MBOAT1: variants seen among roughly 807,000 people sequenced by gnomAD.
MBOAT1 encodes the protein membrane-bound glycerophospholipid O-acyltransferase 1.
Under a neutral mutation model 64.4 loss-of-function variants are expected in MBOAT1, and 67 were observed. The ratio of observed to expected loss-of-function variants is 1.04; its 90% CI spans 0.85 to 1.27. The LOEUF (loss-of-function observed/expected upper bound fraction) is 1.27. MBOAT1 is among the 50% of genes most tolerant of loss of function. The pLI, the probability that MBOAT1 is intolerant of heterozygous loss-of-function variation, is 0.00. For missense variants in MBOAT1, 563 were observed against 604.6 expected (o/e 0.93, Z 0.72); for synonymous variants, 229 against 218.9 (o/e 1.05, Z -0.41).
At chr6:20,128,569 TAGC>T (rs1760726017) in intron 6 of MBOAT1, 127 bp downstream of exon 6, 1 of 636,514 alleles carries the variant, frequency 1.6e-6, no homozygotes, top group South Asian at 2.4e-5. Flanking sequence ...TGTCCATCAA[TAGC>T]AGATTCATAA....
At chr6:20,200,505 A>G (rs983604037) in intron 1 of MBOAT1, among the ~76,000 whole-genome samples, 4 of 152,196 alleles carry the variant, frequency 2.6e-5, no homozygotes, top group African/African-American at 9.6e-5. Flanking sequence ...CCAGGCCAGT[A>G]GGAGGCAGAG....
intron 12 of MBOAT1, among the ~76,000 whole-genome samples, chr6:20,105,260 T>C (rs1759916778): frequency 1.3e-5 from 2 of 152,240 alleles, no homozygotes; most frequent in South Asian, 4.1e-4. Context: ...ACTTTGAACA[T>C]CAAGTGGAAA....
chr6:20,178,966 C>A (rs1181117504), intron 1 of MBOAT1, among the ~76,000 whole-genome samples: 1 of 151,352 alleles, frequency 6.6e-6, no homozygotes, highest in African/African-American at 2.4e-5. Context: ...TTCAGGGATA[C>A]CTGTGCAGGA....
chr6:20,174,635 C>A (rs1436375863), intron 1 of MBOAT1, among the ~76,000 whole-genome samples: 1 of 152,132 alleles, frequency 6.6e-6, no homozygotes, highest in Non-Finnish European at 1.5e-5. Context: ...TTGTTTACAC[C>A]AGCATCACTA....
intron 4 of MBOAT1, among the ~76,000 whole-genome samples, chr6:20,133,283 C>T (rs1760885112): frequency 6.6e-6 from 1 of 152,180 alleles, no homozygotes; most frequent in Non-Finnish European, 1.5e-5. Context: ...TCACAGATGA[C>T]ACCCATTTAC....
intron 1 of MBOAT1, among the ~76,000 whole-genome samples, chr6:20,171,381 T>C (rs1762186249): frequency 9.3e-6 from 1 of 107,384 alleles, no homozygotes; most frequent in Admixed American, 9.1e-5. Flanking sequence ...TACAAAAAAC[T>C]TAAAAAAAAA....
At chr6:20,107,302 G>A (rs1759987041) in intron 12 of MBOAT1, among the ~76,000 whole-genome samples, 3 of 152,174 alleles carry the variant, frequency 2.0e-5, no homozygotes, top group East Asian at 1.9e-4. Context: ...TTCAGTGCTC[G>A]GAGCTTCGTG....
chr6:20,210,126 T>C (rs1270169047), intron 1 of MBOAT1, among the ~76,000 whole-genome samples: 1 of 152,190 alleles, frequency 6.6e-6, no homozygotes, highest in Non-Finnish European at 1.5e-5. Context: ...ACCTTCCTAA[T>C]GTCGGGCATT....
intron 1 of MBOAT1, among the ~76,000 whole-genome samples, chr6:20,195,667 C>A (rs1762936315): frequency 6.6e-6 from 1 of 151,500 alleles, no homozygotes; most frequent in Admixed American, 6.6e-5. Context: ...ATACACAGAT[C>A]TATAAATATG....
chr6:20,205,117 T>G, intron 1 of MBOAT1, among the ~76,000 whole-genome samples: 1 of 152,098 alleles, frequency 6.6e-6, no homozygotes, highest in East Asian at 1.9e-4. Flanking sequence ...GAGGATTGCT[T>G]GAGCTCAAGA....
intron 1 of MBOAT1, among the ~76,000 whole-genome samples, chr6:20,199,103 T>C (rs1763047085): frequency 6.6e-6 from 1 of 152,250 alleles, no homozygotes; most frequent in Admixed American, 6.5e-5. Context: ...TTCCATTTCC[T>C]GTACTTCACT....
At chr6:20,146,141 T>C (rs1464529429) in intron 3 of MBOAT1, among the ~76,000 whole-genome samples, 1 of 152,196 alleles carries the variant, frequency 6.6e-6, no homozygotes, top group Non-Finnish European at 1.5e-5. Context: ...CCATCGGATA[T>C]AGACATAAAT....
chr6:20,107,340 G>C (rs1173325678), intron 12 of MBOAT1, among the ~76,000 whole-genome samples: 1 of 152,098 alleles, frequency 6.6e-6, no homozygotes. Flanking sequence ...ACATGACGGG[G>C]CTTTTCCAGG....
chr6:20,111,835 C>CACATATATATAT (rs1760159334), intron 11 of MBOAT1, among the ~76,000 whole-genome samples: 1 of 86,788 alleles, frequency 1.2e-5, no homozygotes, highest in African/African-American at 4.1e-5. Context: ...CATATATATA[C>CACATATATATAT]ACATATATAT....
intron 1 of MBOAT1, among the ~76,000 whole-genome samples, chr6:20,169,804 G>C (rs1367303463): frequency 6.6e-6 from 1 of 152,136 alleles, no homozygotes; most frequent in Non-Finnish European, 1.5e-5. Flanking sequence ...AAAGAAGGGG[G>C]AGGGATTTGT....
chr6:20,163,664 A>G (rs1419985265), intron 1 of MBOAT1, among the ~76,000 whole-genome samples: 1 of 152,154 alleles, frequency 6.6e-6, no homozygotes, highest in Non-Finnish European at 1.5e-5. Context: ...AAGGAACTGG[A>G]GCCCCGAGCC....
chr6:20,209,691 C>A (rs1399181892), intron 1 of MBOAT1, among the ~76,000 whole-genome samples: 1 of 152,180 alleles, frequency 6.6e-6, no homozygotes, highest in Non-Finnish European at 1.5e-5. Flanking sequence ...ATATCCCAGG[C>A]CAATCAAAAG....
chr6:20,108,851 C>T (rs1352345998), intron 12 of MBOAT1, among the ~76,000 whole-genome samples: 1 of 152,234 alleles, frequency 6.6e-6, no homozygotes, highest in Non-Finnish European at 1.5e-5. Flanking sequence ...TTCTCAGCCT[C>T]ATTTTCCAGT....
chr6:20,120,037 T>C (rs1326497783), intron 8 of MBOAT1, among the ~76,000 whole-genome samples: 1 of 146,422 alleles, frequency 6.8e-6, no homozygotes, highest in African/African-American at 2.5e-5. Flanking sequence ...TCAGTGCTTA[T>C]TATCTTTCCA....
Sources: gnomAD v4.1 joint callset for allele counts (sites outside exome capture counted in the v4.1 genomes callset) on GRCh38, gnomAD v4.1.1 for gene constraint, MANE v1.5 for transcripts, NCBI Gene and HGNC (gene_info 2026-07-23, HGNC 2026-07-21) for gene names.